Variants in FGGY observed in about 807,000 individuals in gnomAD.
The protein encoded by FGGY is FGGY carbohydrate kinase domain-containing protein.
FGGY carries 72 observed loss-of-function variants against 71.3 expected under a neutral mutation model. The ratio of observed to expected loss-of-function variants is 1.01; its 90% confidence interval spans 0.84 to 1.23. The LOEUF (loss-of-function observed/expected upper bound fraction) is 1.23. FGGY is among the 50% of genes most tolerant of loss of function. The pLI, the probability that FGGY is intolerant of heterozygous loss-of-function variation, is 0.00. For missense variants in FGGY, 668 were observed against 682.3 expected, an observed-to-expected ratio of 0.98 and a Z score of 0.23; for synonymous variants, 251 against 250.3, an observed-to-expected ratio of 1.00 and a Z score of -0.02.
At chr1:59,384,332 AG>A (rs2059833194) in intron 5 of FGGY, among the ~76,000 whole-genome samples, 1 of 151,998 alleles carries the variant, frequency 6.6e-6, no homozygotes, top group Non-Finnish European at 1.5e-5. Flanking sequence ...CCTCTTGCAA[AG>A]GTGGTTGCCC....
Position 59,516,275 on chromosome 1 carries a change from C to T in FGGY, c.799+3836C>T, listed in dbSNP as rs182854748. ...AATCTTGAAAAGGTTGTCCATGGGTCCAACTCTATATTAACTAAATATAAT... is the reference window on the plus strand; with the variant it reads ...AATCTTGAAAAGGTTGTCCATGGGTTCAACTCTATATTAACTAAATATAAT... On this transcript the variant is annotated intron_variant, in intron 7 of 15. Coordinates refer to ENST00000303721, the MANE Select transcript of FGGY (RefSeq NM_018291.5). Among the ~76,000 whole-genome samples the T allele has an allele frequency of 3.3e-5, 5 of 152,266 alleles. No homozygotes were observed. In the East Asian group the frequency reaches 9.7e-4, roughly 29 times the overall value.
chr1:59,321,039 A>G (rs1354403874), intron 1 of FGGY, among the ~76,000 whole-genome samples: 1 of 152,230 alleles, frequency 6.6e-6, no homozygotes, highest in African/African-American at 2.4e-5. Flanking sequence ...CTAGAGTCAT[A>G]GTGAGGAGTA....
At chr1:59,580,396 G>T (rs1271155320) in intron 8 of FGGY, among the ~76,000 whole-genome samples, 1 of 151,914 alleles carries the variant, frequency 6.6e-6, no homozygotes, top group Non-Finnish European at 1.5e-5. Context: ...CCCCCGCCTT[G>T]TTACACCCCA....
chr1:59,604,895 T>G (rs2096609256), intron 8 of FGGY, among the ~76,000 whole-genome samples: 1 of 152,170 alleles, frequency 6.6e-6, no homozygotes, highest in Admixed American at 6.5e-5. Context: ...CTCATTCATC[T>G]CAAAGAAGCT....
At chr1:59,681,895 T>G (rs1228960110) in intron 14 of FGGY, among the ~76,000 whole-genome samples, 1 of 152,104 alleles carries the variant, frequency 6.6e-6, no homozygotes, top group Non-Finnish European at 1.5e-5. Context: ...GAGTTTCAGT[T>G]GCAGCATTTA....
intron 5 of FGGY, among the ~76,000 whole-genome samples, chr1:59,384,670 C>CA (rs1282026371): frequency 6.6e-6 from 1 of 152,122 alleles, no homozygotes; most frequent in African/African-American, 2.4e-5. Flanking sequence ...TCAGTGTCTC[C>CA]ATCATGTGCA....
At chr1:59,348,729 G>T (rs75597339) in intron 4 of FGGY, among the ~76,000 whole-genome samples, 5 of 152,264 alleles carry the variant, frequency 3.3e-5, no homozygotes, top group African/African-American at 1.2e-4. Context: ...TAGGAAAGAA[G>T]GGCTTCAGCA....
At position 59,639,945 on chromosome 1, in the gene FGGY, G is replaced by A. The variant is rs373064555; in HGVS notation, c.1221+1570G>A. 1.2e-4 allele frequency among the ~76,000 whole-genome samples: 19 copies of A among 152,218 alleles called. No individual in the cohort carries two copies. In the South Asian group the frequency reaches 3.7e-3, roughly 30 times the overall value. On this transcript the variant is annotated intron_variant, in intron 11 of 15. Transcript: ENST00000303721. ...ATCAGAAGGATATTCTAATACAGTT[G>A]ACCCAAATGCAGAATGAAATTCCAA...
intron 14 of FGGY, among the ~76,000 whole-genome samples, chr1:59,712,420 C>G (rs2097801822): frequency 6.6e-6 from 1 of 152,212 alleles, no homozygotes; most frequent in African/African-American, 2.4e-5. Context: ...GCCCTCTTCT[C>G]TCAGCTCCAC....
chr1:59,586,081 C>T (rs555687172), intron 8 of FGGY, among the ~76,000 whole-genome samples: 169 of 152,284 alleles, frequency 1.1e-3, no homozygotes, highest in African/African-American at 3.0e-3. Flanking sequence ...ACTAGTTGAA[C>T]CATTGTGGAA....
chr1:59,641,328 C>T lies in FGGY; in HGVS notation c.1221+2953C>T. The T allele has an allele frequency of 1.9e-6, 3 of 1,603,474 alleles. 1 individual carries two copies. The highest frequency in any genetic ancestry group is 2.5e-6 in the Non-Finnish European group (3 of 1,177,514). On this transcript the variant is annotated intron_variant, in intron 11 of 15. Coordinates refer to ENST00000303721, the MANE Select transcript of FGGY (RefSeq NM_018291.5). ...TCCGGCTTTGGCAGCGTTGCACTCT[C>T]CCAGTTCTCTACTCTCCCCTCAGGT...
chr1:59,625,418 CAG>C (rs2096846571), intron 9 of FGGY, among the ~76,000 whole-genome samples: 1 of 152,108 alleles, frequency 6.6e-6, no homozygotes, highest in African/African-American at 2.4e-5. Context: ...GATGATTGTT[CAG>C]TCAGGAGAGT....
chr1:59,512,066 A>G (rs1230613175), intron 6 of FGGY, among the ~76,000 whole-genome samples: 1 of 152,092 alleles, frequency 6.6e-6, no homozygotes, highest in Non-Finnish European at 1.5e-5. Context: ...CAGAATCTTT[A>G]TCTGGTTTGA....
chr1:59,422,033 C>T (rs1286066224), intron 5 of FGGY, among the ~76,000 whole-genome samples: 1 of 152,090 alleles, frequency 6.6e-6, no homozygotes, highest in Non-Finnish European at 1.5e-5. Flanking sequence ...TTAATCATTG[C>T]CTATGTAGAA....
At chr1:59,587,521 A>G (rs905317671) in intron 8 of FGGY, among the ~76,000 whole-genome samples, 46 of 152,084 alleles carry the variant, frequency 3.0e-4, no homozygotes, top group African/African-American at 1.1e-3. Context: ...CCTGACCCCC[A>G]AGCAGCCTAA....
chr1:59,531,797 T>G (rs552432509), intron 7 of FGGY, among the ~76,000 whole-genome samples: 1 of 152,296 alleles, frequency 6.6e-6, no homozygotes, highest in Admixed American at 6.5e-5. Context: ...AAAGTCAGTG[T>G]AAACTAAAAA....
chr1:59,395,893 T>C (rs897250247), intron 5 of FGGY, among the ~76,000 whole-genome samples: 1 of 152,150 alleles, frequency 6.6e-6, no homozygotes, highest in South Asian at 2.1e-4. Flanking sequence ...ACTAATTAGC[T>C]TAGTACTTGT....
At position 59,497,714 on chromosome 1, in the gene FGGY, T is replaced by A. The variant is rs1003919767; in HGVS notation, c.671-14597T>A. Among the ~76,000 whole-genome samples the A allele has an allele frequency of 5.3e-5, 8 of 152,336 alleles. No individual in the cohort carries two copies. In the South Asian group the frequency reaches 8.3e-4, roughly 16 times the overall value. On this transcript the variant is annotated intron_variant, in intron 6 of 15. Coordinates refer to ENST00000303721, the MANE Select transcript of FGGY (RefSeq NM_018291.5). Reference sequence around the variant, plus strand: ...TCTGTTGCCAGTCTGTTCTTCTGACTCTCACCTGTCTCCTTTCTGCACACA... The same window carrying A: ...TCTGTTGCCAGTCTGTTCTTCTGACACTCACCTGTCTCCTTTCTGCACACA...
chr1:59,475,236 C>T (rs1470338096), intron 6 of FGGY, among the ~76,000 whole-genome samples: 1 of 152,168 alleles, frequency 6.6e-6, no homozygotes, highest in Non-Finnish European at 1.5e-5. Flanking sequence ...ATTATAATCA[C>T]ATTTCATAAT....
Sources: allele counts gnomAD v4.1 joint callset (sites outside exome capture counted in the v4.1 genomes callset), GRCh38; gene constraint gnomAD v4.1.1; transcripts MANE v1.5; gene names NCBI Gene and HGNC (gene_info 2026-07-23, HGNC 2026-07-21).